The following CDH18 variants were observed in gnomAD, a reference collection of about 807,000 sequenced individuals.
CDH18 encodes cadherin 18.
CDH18 carries 31 observed loss-of-function variants against 67.9 expected under a neutral mutation model. The ratio of observed to expected loss-of-function variants is 0.46; its 90% CI spans 0.34 to 0.62. The LOEUF (loss-of-function observed/expected upper bound fraction) is 0.62, where lower values mean the gene tolerates loss of function less well. Ranked by LOEUF, CDH18 falls within the 20% of genes least tolerant of loss-of-function variation. The probability of loss-of-function intolerance (pLI) is 0.01; values close to 1 mark genes in which losing one functional copy is unlikely to be tolerated. For missense variants in CDH18, 890 were observed against 975.5 expected, an observed-to-expected ratio of 0.91 and a Z score of 1.17; for synonymous variants, 362 against 347.2, an observed-to-expected ratio of 1.04 and a Z score of -0.48.
At chr5:20,370,547 A>G (rs1390426900) in intron 1 of CDH18, among the ~76,000 whole-genome samples, 1 of 152,206 alleles carries the variant, frequency 6.6e-6, no homozygotes, top group African/African-American at 2.4e-5. Context: ...CTCACTTACT[A>G]AAGATCTACT....
chr5:20,015,456 G>A (rs1737799052), intron 2 of CDH18, among the ~76,000 whole-genome samples: 1 of 152,112 alleles, frequency 6.6e-6, no homozygotes, highest in Admixed American at 6.6e-5. Context: ...TGGAAGACTG[G>A]TTCATCAAGG....
intron 2 of CDH18, among the ~76,000 whole-genome samples, chr5:20,149,936 C>A (rs1283935045): frequency 2.6e-5 from 4 of 152,028 alleles, no homozygotes; most frequent in Non-Finnish European, 5.9e-5. Flanking sequence ...ATTTTATTTT[C>A]ATTCCTAATA....
chr5:19,573,719 G>A (rs1398097050), intron 7 of CDH18, among the ~76,000 whole-genome samples: 1 of 152,150 alleles, frequency 6.6e-6, no homozygotes, highest in African/African-American at 2.4e-5. Flanking sequence ...ACTCGTCCTA[G>A]AAATGGTACA....
At chr5:20,471,465 G>C (rs73764069) in intron 1 of CDH18, among the ~76,000 whole-genome samples, 8,332 of 151,876 alleles carry the variant, frequency 0.055, 755 homozygotes, top group African/African-American at 0.19. Context: ...ATTCCACATT[G>C]GTTTCCCATT....
rs948418858 is a variant in CDH18, at chr5:20,356,606, A to G, written c.-579-101101T>C. 5.9e-5 allele frequency among the ~76,000 whole-genome samples: 9 copies of G among 151,954 alleles called. No homozygotes were observed. In the South Asian group the frequency reaches 1.9e-3, roughly 31 times the overall value. ...TGTTTATCAGATAGGAAAATACATT[A>G]TTAATTGAATTAAAACTTTATGATA... is the stretch of plus-strand genomic sequence containing the variant. On this transcript the variant is annotated intron_variant, in intron 1 of 14. Coordinates refer to the CDH18 transcript ENST00000507958.
chr5:19,568,978 C>T (rs1287044795), intron 8 of CDH18, among the ~76,000 whole-genome samples: 1 of 152,152 alleles, frequency 6.6e-6, no homozygotes, highest in African/African-American at 2.4e-5. Flanking sequence ...TATGTTGGAA[C>T]ATATAGAATA....
intron 8 of CDH18, among the ~76,000 whole-genome samples, chr5:19,557,605 G>C (rs1357365789): frequency 1.3e-5 from 2 of 152,010 alleles, no homozygotes; most frequent in Non-Finnish European, 2.9e-5. Flanking sequence ...ACATATACAT[G>C]CACCTAACAC....
chr5:19,974,967 C>T (rs1312275066), intron 2 of CDH18, among the ~76,000 whole-genome samples: 3 of 152,044 alleles, frequency 2.0e-5, no homozygotes, highest in Non-Finnish European at 4.4e-5. Flanking sequence ...CTTAAATGTA[C>T]TCTTCTACAA....
chr5:19,698,279 A>G (rs1308554652), intron 5 of CDH18, among the ~76,000 whole-genome samples: 1 of 152,130 alleles, frequency 6.6e-6, no homozygotes, highest in Non-Finnish European at 1.5e-5. Context: ...ATTTTTATGA[A>G]AGCATTATCA....
intron 3 of CDH18, among the ~76,000 whole-genome samples, chr5:19,769,371 G>A (rs1329892275): frequency 1.3e-5 from 2 of 152,062 alleles, no homozygotes. Context: ...AAAAACCACA[G>A]AAGCTAGGAG....
chr5:20,053,953 T>C (rs1741677275), intron 2 of CDH18, among the ~76,000 whole-genome samples: 1 of 152,116 alleles, frequency 6.6e-6, no homozygotes, highest in Admixed American at 6.6e-5. Flanking sequence ...GCTAAGACTA[T>C]GGTGCAATTC....
At chr5:20,019,118 C>T (rs1738168634) in intron 2 of CDH18, among the ~76,000 whole-genome samples, 2 of 152,052 alleles carry the variant, frequency 1.3e-5, no homozygotes, top group Admixed American at 1.3e-4. Context: ...TCTTAATGAA[C>T]CTGAGAATGT....
chr5:19,753,555 G>A (rs1386387226), intron 3 of CDH18, among the ~76,000 whole-genome samples: 2 of 152,228 alleles, frequency 1.3e-5, no homozygotes, highest in Non-Finnish European at 2.9e-5. Flanking sequence ...AGAATAATCA[G>A]TGTTCTTCAA....
intron 5 of CDH18, among the ~76,000 whole-genome samples, chr5:19,639,061 G>GGC (rs573614743): frequency 1.1e-3 from 149 of 137,772 alleles, no homozygotes; most frequent in Non-Finnish European, 1.9e-3. Flanking sequence ...GGAGTGCAGT[G>GGC]GCGCGATCTC....
At chr5:19,587,649 T>G (rs1393162813) in intron 7 of CDH18, among the ~76,000 whole-genome samples, 1 of 94,120 alleles carries the variant, frequency 1.1e-5, no homozygotes, top group South Asian at 4.6e-4. Context: ...CATTGGTCTG[T>G]GTGTCTTTTT....
At chr5:20,051,960 A>G (rs79545009) in intron 2 of CDH18, among the ~76,000 whole-genome samples, 1,746 of 152,148 alleles carry the variant, frequency 0.011, 40 homozygotes, top group African/African-American at 0.04. Flanking sequence ...CTCTTTCATC[A>G]TGGGCACAAA....
At chr5:20,513,967 T>C (rs1421823760) in intron 1 of CDH18, among the ~76,000 whole-genome samples, 1 of 152,152 alleles carries the variant, frequency 6.6e-6, no homozygotes, top group Non-Finnish European at 1.5e-5. Flanking sequence ...CACAAAAATG[T>C]TGCTGATAAT....
chr5:20,047,782 TTGGATTTAAAC>T (rs574137588), intron 2 of CDH18, among the ~76,000 whole-genome samples: 235 of 151,884 alleles, frequency 1.5e-3, no homozygotes, highest in Non-Finnish European at 2.6e-3. Flanking sequence ...ATACTTCTAA[TTGGATTTAAAC>T]TGCTTCCTAA....
intron 4 of CDH18, among the ~76,000 whole-genome samples, chr5:19,732,096 TA>T (rs11292049): frequency 0.028 from 4,027 of 142,616 alleles, 136 homozygotes; most frequent in African/African-American, 0.082. Context: ...TCTCAAAAAA[TA>T]AAAAAAAAAA....
Sources: allele counts gnomAD v4.1 joint callset (sites outside exome capture counted in the v4.1 genomes callset), GRCh38; gene constraint gnomAD v4.1.1; transcripts MANE v1.5; gene names NCBI Gene and HGNC (gene_info 2026-07-23, HGNC 2026-07-21).